Variants in EHMT2 observed in about 807,000 individuals in gnomAD.
EHMT2 encodes the protein euchromatic histone lysine methyltransferase 2.
A neutral mutation model predicts 143.3 loss-of-function variants in EHMT2; 59 were observed. The ratio of observed to expected loss-of-function variants is 0.41; its 90% CI spans 0.33 to 0.51. The LOEUF is 0.51. Among genes scored for constraint, EHMT2 ranks in the 20% least tolerant of loss-of-function variants. The probability of loss-of-function intolerance (pLI) is 0.18; values close to 1 mark genes in which losing one functional copy is unlikely to be tolerated. For synonymous variants in EHMT2, 604 were observed against 651.5 expected (o/e 0.93, Z 1.11); for missense variants, 1,174 against 1,645.9 (o/e 0.71, Z 4.96).
rs1005422424 is a variant in EHMT2 at position 31,880,920 on chromosome 6, G to A, written c.3277-72C>T. 13 of 1,607,048 alleles carry A rather than the reference G, an allele frequency of 8.1e-6. No individual in the cohort carries two copies. The highest frequency in any genetic ancestry group is 1.1e-5 in the Non-Finnish European group (13 of 1,175,036). On this transcript the variant is annotated intron_variant, in intron 26 of 27. Transcript: ENST00000375537. The surrounding 1 kb of genome is among the most constrained non-coding windows in gnomAD (Gnocchi z 6.6). ...GCCCTCCCCACCCACTGACTCCCCA[G>A]TCCCTCCTCCCCAGGTTTCCATTTG...
chr6:31,884,070 G>A lies in EHMT2; in HGVS notation c.2772-120C>T. ...TGGGGGCAGGGGAGTAAGGTTGCCAGGTAAGATGCAGGACAGCGAGTTAAC... is the reference window on the plus strand; with the variant it reads ...TGGGGGCAGGGGAGTAAGGTTGCCAAGTAAGATGCAGGACAGCGAGTTAAC... On this transcript the variant is annotated intron_variant, in intron 21 of 27. Transcript: ENST00000375537. The surrounding 1 kb of genome is among the most constrained non-coding windows in gnomAD (Gnocchi z 7.3). 1 of 1,157,148 alleles carries A rather than the reference G, an allele frequency of 8.6e-7. No individual in the cohort carries two copies. 71.7% of individuals were successfully genotyped at this position (1,157,148 alleles called of 1,614,324 possible). A position where few individuals can be genotyped will look rare whatever the true frequency, so the allele number is the denominator to read the frequency against.
At chr6:31,887,526 T>C (rs1449584408) in intron 15 of EHMT2, 51 bp downstream of exon 15, 1 of 1,526,694 alleles carries the variant, frequency 6.6e-7, no homozygotes, top group Admixed American at 1.7e-5. Context: ...CAGTGCCTGG[T>C]ATATACATGA....
Position 31,880,560 on chromosome 6 carries a change from G to A in EHMT2, c.3452+113C>T. 1.7e-6 allele frequency: 2 copies of A among 1,155,740 alleles called. No homozygotes were observed. The highest frequency in any genetic ancestry group is 2.5e-6 in the Non-Finnish European group (2 of 812,266). 71.6% of individuals were successfully genotyped at this position (1,155,740 alleles called of 1,614,324 possible). ...AATACTTATGTACACTGAAATCTGA[G>A]AAGCTCTGCACTACTCCATGCCTGG... On this transcript the variant is annotated intron_variant, in intron 27 of 27. Transcript: ENST00000375537. The surrounding 1 kb of genome is among the most constrained non-coding windows in gnomAD (Gnocchi z 6.6).
chr6:31,888,998 C>T lies in EHMT2; in HGVS notation c.1187G>A (p.Ser396Asn), dbSNP rs2151629466. The T allele has an allele frequency of 6.2e-7, 1 of 1,600,098 alleles. No individual in the cohort carries two copies. The highest frequency in any genetic ancestry group is 8.5e-7 in the Non-Finnish European group (1 of 1,175,618). ...GTGGTTGGGGGAGAGGGTCCCCTCG[C>T]TGGGCAGCTCCAGGGACCCCAGAGG... is the stretch of plus-strand genomic sequence containing the variant. The change falls in exon 10 of 28, where the codon AGC becomes AAC. Residue 396 changes from serine (S) to asparagine (N), a missense_variant. Physicochemically the swap from Ser to Asn is conservative, Grantham distance 46 (BLOSUM62 1). This residue lies in a region of EHMT2 where 608 missense variants were observed against 903.7 expected (regional missense o/e 0.67). Coordinates refer to ENST00000375537, the Ensembl canonical transcript of EHMT2. This position sits in a 1 kb window ranked among gnomAD's most constrained non-coding sequence, Gnocchi z 7.4.
Position 31,881,366 on chromosome 6 carries a change from G to C in EHMT2, c.3198-274C>G, listed in dbSNP as rs1482500903. On this transcript the variant is annotated intron_variant, in intron 25 of 27. Coordinates refer to ENST00000375537, the Ensembl canonical transcript of EHMT2. The surrounding 1 kb of genome is among the most constrained non-coding windows in gnomAD (Gnocchi z 4.8). ...CAGTTGGCCTGGGTGGGGAAGTTCG[G>C]GTTTGGACACAGAGAGGTTTGTGTT... 1.8e-6 allele frequency: 1 copy of C among 558,872 alleles called. No homozygotes were observed. The highest frequency in any genetic ancestry group is 1.9e-5 in the African/African-American group (1 of 53,084). The allele number at this position is 558,872 out of a possible 1,614,324, so 34.6% of individuals were successfully genotyped here.
rs913487798 is a variant in EHMT2 at position 31,889,522 on chromosome 6, C to A, written c.945G>T (p.Glu315Asp). Residue 315 changes from glutamate (E) to aspartate (D), a missense_variant, in exon 8 of 28, where the codon GAG becomes GAT. Coordinates refer to ENST00000375537, the Ensembl canonical transcript of EHMT2. The surrounding 1 kb of genome is among the most constrained non-coding windows in gnomAD (Gnocchi z 5.1). ...CTTCCTCTTCTTCTTCCTCTTCCTC[C>A]TCCTCTTCCTCTTCTTCTTCTTCCT... is the stretch of plus-strand genomic sequence containing the variant. 1.9e-6 allele frequency: 3 copies of A among 1,611,968 alleles called. No individual in the cohort carries two copies. The highest frequency in any genetic ancestry group is 2.5e-6 in the Non-Finnish European group (3 of 1,179,530).
chr6:31,896,999 G>C lies in EHMT2; in HGVS notation c.43-10C>G. On this transcript the variant is annotated splice_polypyrimidine_tract_variant and intron_variant, in intron 1 of 27. Coordinates refer to ENST00000375537, the Ensembl canonical transcript of EHMT2. The stretch of plus-strand genomic sequence containing the variant: ...CAGCGGGGGCCTCCCCCTGGGAGGG[G>C]AGACAAGGGACAGGAGGGCTGGTCA... 3 of 1,560,752 alleles carry C rather than the reference G, an allele frequency of 1.9e-6. No homozygotes were observed. Among genetic ancestry groups the C allele is most frequent in the South Asian group, 2.4e-5 (2 of 82,380 alleles).
At position 31,884,911 on chromosome 6, in the gene EHMT2, C is replaced by T. The variant is rs757379655; in HGVS notation, c.2448+1G>A. On this transcript the variant is annotated splice_donor_variant, in intron 19 of 27. Coordinates refer to ENST00000375537, the Ensembl canonical transcript of EHMT2. LOFTEE classifies it high-confidence loss of function. The surrounding 1 kb of genome is among the most constrained non-coding windows in gnomAD (Gnocchi z 7.3). The stretch of plus-strand genomic sequence containing the variant: ...CCTACCTCAACCAAACGCTCACTCA[C>T]GTTGTCAGTGAGGGTGACGTCGGCG... 13 of 1,599,998 alleles carry T rather than the reference C, an allele frequency of 8.1e-6. No individual in the cohort carries two copies. Among genetic ancestry groups the T allele is most frequent in the Middle Eastern group, 1.7e-4 (1 of 6,042 alleles).
chr6:31,888,190 G>A lies in EHMT2; in HGVS notation c.1596C>T (p.Phe532=), dbSNP rs1483963014. 2 of 1,612,910 alleles carry A rather than the reference G, an allele frequency of 1.2e-6. No individual in the cohort carries two copies. The highest frequency in any genetic ancestry group is 1.7e-6 in the Non-Finnish European group (2 of 1,180,012). ...AAGCATCCTCCCCACAGTGGGGACA[G>A]AAGACCATCCCATTCAGCTGAGACA... Residue 532 remains phenylalanine (F), a synonymous_variant, in exon 13 of 28, where the codon TTC becomes TTT. Transcript: ENST00000375537. This position sits in a 1 kb window ranked among gnomAD's most constrained non-coding sequence, Gnocchi z 7.4.
At position 31,880,521 on chromosome 6, in the gene EHMT2, C is replaced by A; in HGVS notation, c.3452+152G>T. On this transcript the variant is annotated intron_variant, in intron 27 of 27. Transcript: ENST00000375537. The surrounding 1 kb of genome is among the most constrained non-coding windows in gnomAD (Gnocchi z 6.6). Reference sequence around the variant, plus strand: ...TCTGGGAGGCACAGGACTGTTTCCCCAAGTCCTCCAGGAAATACTTATGTA... The same window carrying A: ...TCTGGGAGGCACAGGACTGTTTCCCAAAGTCCTCCAGGAAATACTTATGTA... 1.1e-6 allele frequency: 1 copy of A among 933,538 alleles called. No individual in the cohort carries two copies. The highest frequency in any genetic ancestry group is 1.7e-5 in the South Asian group (1 of 58,254). The allele number at this position is 933,538 out of a possible 1,614,324, so 57.8% of individuals were successfully genotyped here.
In EHMT2 at chr6:31,883,128, T is replaced by G; in HGVS notation, c.2995-119A>C. The G allele has an allele frequency of 1.0e-6, 1 of 983,980 alleles. No homozygotes were observed. Among genetic ancestry groups the G allele is most frequent in the Non-Finnish European group, 1.6e-6 (1 of 639,600 alleles). 61.0% of individuals were successfully genotyped at this position (983,980 alleles called of 1,614,324 possible). On this transcript the variant is annotated intron_variant, in intron 23 of 27. Coordinates refer to ENST00000375537, the Ensembl canonical transcript of EHMT2. This position sits in a 1 kb window ranked among gnomAD's most constrained non-coding sequence, Gnocchi z 5.6. ...GGGGTTGGGGAGGTCACACAGGCTC[T>G]GAGATCCGAGAGCACGAAATGCAGG...
Position 31,888,240 on chromosome 6 carries a change from C to T in EHMT2, c.1546G>A (p.Ala516Thr). Residue 516 changes from alanine to threonine, a missense_variant, in exon 13 of 28, where the codon GCC (alanine) becomes ACC (threonine). Coordinates refer to ENST00000375537, the Ensembl canonical transcript of EHMT2. The surrounding 1 kb of genome is among the most constrained non-coding windows in gnomAD (Gnocchi z 7.4). The stretch of plus-strand genomic sequence containing the variant: ...ACACAGGCCTTGTGGAAGCGGTGGG[C>T]CACACGGAAGTCAGGGTGGCACTCC... 6.2e-7 allele frequency: 1 copy of T among 1,612,948 alleles called. No individual in the cohort carries two copies. The highest frequency in any genetic ancestry group is 8.5e-7 in the Non-Finnish European group (1 of 1,179,974).
At chr6:31,886,261 A>G in intron 18 of EHMT2, 1 of 361,456 alleles carries the variant, frequency 2.8e-6, no homozygotes, top group Non-Finnish European at 5.0e-6. Flanking sequence ...CTGGACAATG[A>G]TGGAATAATT....
At position 31,888,810 on chromosome 6, in the gene EHMT2, G is replaced by A. The variant is rs1305633686; in HGVS notation, c.1217-63C>T. The A allele has an allele frequency of 1.3e-5, 21 of 1,587,326 alleles. No homozygotes were observed. The highest frequency in any genetic ancestry group is 1.1e-4 in the South Asian group (10 of 87,860). On this transcript the variant is annotated intron_variant, in intron 10 of 27. Coordinates refer to ENST00000375537, the Ensembl canonical transcript of EHMT2. This position sits in a 1 kb window ranked among gnomAD's most constrained non-coding sequence, Gnocchi z 7.4. ...CACCTCACCTACTGGGACCCCTGGC[G>A]GGTCCTCTCACTCCCTCCCTACCCC... is the stretch of plus-strand genomic sequence containing the variant.
At chr6:31,893,537 G>A in intron 4 of EHMT2, 1 of 285,454 alleles carries the variant, frequency 3.5e-6, no homozygotes, top group South Asian at 2.9e-5. Flanking sequence ...ATGTTGCCCA[G>A]GCTGGTCTTG....
At chr6:31,892,274 G>A in intron 7 of EHMT2, 133 bp downstream of exon 7, 2 of 1,030,122 alleles carry the variant, frequency 1.9e-6, no homozygotes, top group South Asian at 1.6e-5. Context: ...TAGACAGCAT[G>A]GGGCAATGAC....
Position 31,880,617 on chromosome 6 carries a change from G to A in EHMT2, c.3452+56C>T. On this transcript the variant is annotated intron_variant, in intron 27 of 27. Transcript: ENST00000375537. The surrounding 1 kb of genome is among the most constrained non-coding windows in gnomAD (Gnocchi z 6.6). The stretch of plus-strand genomic sequence containing the variant: ...GGTACATGCCAGCCTTCAGGTCCCA[G>A]GTTTGCTGCATCTCCCACCCCCTGG... The A allele has an allele frequency of 6.3e-7, 1 of 1,583,902 alleles. No individual in the cohort carries two copies. Among genetic ancestry groups the A allele is most frequent in the Non-Finnish European group, 8.6e-7 (1 of 1,158,266 alleles).
intron 7 of EHMT2, among the ~76,000 whole-genome samples, chr6:31,890,569 A>C (rs1255119432): frequency 6.9e-6 from 1 of 145,672 alleles, no homozygotes; most frequent in Non-Finnish European, 1.5e-5. Context: ...TTTTTTTTAG[A>C]AGATGAGGAA....
At chr6:31,882,117 TAAAA>T (rs9279449) in intron 25 of EHMT2, among the ~76,000 whole-genome samples, 1 of 97,164 alleles carries the variant, frequency 1.0e-5, no homozygotes, top group Non-Finnish European at 2.4e-5. Flanking sequence ...AAAAATAAAT[TAAAA>T]AAAAAAAAAA....
Sources: allele counts gnomAD v4.1 joint callset (sites outside exome capture counted in the v4.1 genomes callset), GRCh38; gene constraint gnomAD v4.1.1; regional missense constraint gnomAD v4.1.1; non-coding constraint Gnocchi (gnomAD v3.1); transcripts MANE v1.5; gene names NCBI Gene and HGNC (gene_info 2026-07-23, HGNC 2026-07-21).